The following SHLD1 variants were observed in gnomAD, a reference collection of about 807,000 sequenced individuals.
The protein encoded by SHLD1 is shieldin complex subunit 1, also known as RINN1-REV7-interacting novel NHEJ regulator 3.
Under a neutral mutation model 5.5 loss-of-function variants are expected in SHLD1, and 3 were observed. That is an observed-to-expected ratio of 0.54 (90% CI 0.25 to 1.40). SHLD1 has a LOEUF of 1.40. SHLD1 is among the 40% of genes most tolerant of loss of function. SHLD1 has a pLI of 0.15. For synonymous variants in SHLD1, 92 were observed against 94.3 expected (o/e 0.98, Z 0.14); for missense variants, 210 against 244.4 (o/e 0.86, Z 0.94).
chr20:5,779,448 G>A (rs1985588380), intron 2 of SHLD1, among the ~76,000 whole-genome samples: 2 of 152,044 alleles, frequency 1.3e-5, no homozygotes, highest in African/African-American at 4.8e-5. Flanking sequence ...CTGTAGTTAC[G>A]GGTTCTCTCC....
intron 1 of SHLD1, among the ~76,000 whole-genome samples, chr20:5,753,335 T>C (rs1983873474): frequency 6.6e-6 from 1 of 152,128 alleles, no homozygotes; most frequent in Admixed American, 6.6e-5. Context: ...AGAGACAGGG[T>C]CTTGCCGTGT....
At position 5,844,799 on chromosome 20, in the gene SHLD1, A is replaced by ATATATATTTT. The variant is rs1460082835; in HGVS notation, c.179-18224_179-18223insATATATTTTT. ...TATATATATATATATATATATATAT[A>ATATATATTTT]TTTTTTTTTTTTTGAGACACAGTCT... On this transcript the variant is annotated intron_variant, in intron 2 of 2. Transcript: ENST00000303142. Among the ~76,000 whole-genome samples, 12 of 71,716 alleles carry ATATATATTTT rather than the reference A, an allele frequency of 1.7e-4. No individual in the cohort carries two copies. The South Asian group carries it at 2.5e-3, about 15-fold the overall frequency. 47.0% of individuals were successfully genotyped at this position (71,716 alleles called of 152,430 possible). A position where few individuals can be genotyped will look rare whatever the true frequency, so the allele number is the denominator to read the frequency against.
chr20:5,764,164 ATATATATATATTTT>A (rs1984671964), intron 1 of SHLD1, among the ~76,000 whole-genome samples: 2 of 95,076 alleles, frequency 2.1e-5, no homozygotes, highest in Non-Finnish European at 4.0e-5. Context: ...ATATTTATAT[ATATATATATATTTT>A]TATATATATA....
At chr20:5,770,852 A>C (rs1243585311) in intron 1 of SHLD1, among the ~76,000 whole-genome samples, 1 of 152,214 alleles carries the variant, frequency 6.6e-6, no homozygotes, top group African/African-American at 2.4e-5. Flanking sequence ...GTAAAAATAC[A>C]ACCTCAGCAT....
chr20:5,750,928 T>C (rs529174141), intron 1 of SHLD1, among the ~76,000 whole-genome samples: 2 of 152,192 alleles, frequency 1.3e-5, no homozygotes, highest in Admixed American at 1.3e-4. Flanking sequence ...GCCCCGGAGT[T>C]CCAGGCTGCA....
At position 5,847,090 on chromosome 20, in the gene SHLD1, GT is replaced by G. The variant is rs200818623; in HGVS notation, c.179-15924del. Among the ~76,000 whole-genome samples the G allele has an allele frequency of 1.4e-3, 209 of 149,502 alleles. 2 individuals carry two copies. Among genetic ancestry groups the G allele is most frequent in the Middle Eastern group, 6.9e-3 (2 of 288 alleles). On this transcript the variant is annotated intron_variant, in intron 2 of 2. Coordinates refer to ENST00000303142, the MANE Select transcript of SHLD1 (RefSeq NM_152504.4). The stretch of plus-strand genomic sequence containing the variant: ...ATAGCCATATGAAGATCATATTAGG[GT>G]TTTTTTTTTCTTTGTTGTTAATTAT...
chr20:5,834,593 C>G (rs145193708), intron 2 of SHLD1, among the ~76,000 whole-genome samples: 1 of 152,288 alleles, frequency 6.6e-6, no homozygotes, highest in African/African-American at 2.4e-5. Context: ...CTTAGTAGCA[C>G]TTTGCCTGGA....
intron 2 of SHLD1, among the ~76,000 whole-genome samples, chr20:5,823,693 C>A (rs2087634177): frequency 6.6e-6 from 1 of 152,100 alleles, no homozygotes; most frequent in Non-Finnish European, 1.5e-5. Context: ...AGTGATCTGC[C>A]CACCTCAGCC....
chr20:5,844,509 C>A (rs982908747), intron 2 of SHLD1, among the ~76,000 whole-genome samples: 2 of 152,042 alleles, frequency 1.3e-5, no homozygotes, highest in South Asian at 4.1e-4. Flanking sequence ...TTTGACACTC[C>A]CACACACTGA....
chr20:5,823,817 G>T (rs2087635465), intron 2 of SHLD1, among the ~76,000 whole-genome samples: 1 of 152,152 alleles, frequency 6.6e-6, no homozygotes, highest in Non-Finnish European at 1.5e-5. Context: ...ATCCTGGGTT[G>T]CATGGGCAAG....
chr20:5,845,173 C>T (rs573902156), intron 2 of SHLD1, among the ~76,000 whole-genome samples: 1 of 152,318 alleles, frequency 6.6e-6, no homozygotes, highest in Admixed American at 6.5e-5. Context: ...CCTTAATACT[C>T]TAACAACTCT....
At chr20:5,801,971 A>T in intron 2 of SHLD1, among the ~76,000 whole-genome samples, 1 of 152,180 alleles carries the variant, frequency 6.6e-6, no homozygotes, top group East Asian at 1.9e-4. Context: ...CTCAGTGGGT[A>T]CTCATTGAAT....
chr20:5,860,202 C>T lies in SHLD1; in HGVS notation c.179-2822C>T, dbSNP rs554998012. Among the ~76,000 whole-genome samples, 6 of 152,266 alleles carry T rather than the reference C, an allele frequency of 3.9e-5. No individual in the cohort carries two copies. The South Asian group carries it at 1.0e-3, about 26-fold the overall frequency. Reference sequence around the variant, plus strand: ...CTGCCATCACGGGACCCCATTCCCTCTCCTTCTCCCTTCAGCTTTCTAACA... The same window carrying T: ...CTGCCATCACGGGACCCCATTCCCTTTCCTTCTCCCTTCAGCTTTCTAACA... On this transcript the variant is annotated intron_variant, in intron 2 of 2. Transcript: ENST00000303142.
In SHLD1 at chr20:5,778,243, A is replaced by G. The variant is rs567552779; in HGVS notation, c.178+5200A>G. Among the ~76,000 whole-genome samples, 382 of 148,524 alleles carry G rather than the reference A, an allele frequency of 2.6e-3. 2 individuals carry two copies. The highest frequency in any genetic ancestry group is 9.0e-3 in the African/African-American group (366 of 40,518). ...GCCATTCTCCTGCGTCAGCCTCCCA[A>G]GTAGCTAGGACTACAGGTGCCCACC... On this transcript the variant is annotated intron_variant, in intron 2 of 2. Coordinates refer to ENST00000303142, the MANE Select transcript of SHLD1 (RefSeq NM_152504.4).
At chr20:5,835,551 C>T (rs971667103) in intron 2 of SHLD1, among the ~76,000 whole-genome samples, 3 of 152,208 alleles carry the variant, frequency 2.0e-5, no homozygotes, top group South Asian at 4.1e-4. Context: ...ATGGGCACAG[C>T]GTCCCCAGGG....
At chr20:5,849,441 G>A (rs978375058) in intron 2 of SHLD1, among the ~76,000 whole-genome samples, 4 of 152,208 alleles carry the variant, frequency 2.6e-5, no homozygotes, top group African/African-American at 9.6e-5. Flanking sequence ...AAAAACAAAA[G>A]TCTGTAGACA....
intron 2 of SHLD1, among the ~76,000 whole-genome samples, chr20:5,808,023 T>C (rs1195303149): frequency 6.6e-6 from 1 of 152,184 alleles, no homozygotes; most frequent in African/African-American, 2.4e-5. Flanking sequence ...GGCTCATGCC[T>C]GTAATCCCAG....
intron 2 of SHLD1, among the ~76,000 whole-genome samples, chr20:5,819,343 T>G (rs997434422): frequency 3.6e-4 from 55 of 152,294 alleles, no homozygotes; most frequent in African/African-American, 1.3e-3. Context: ...CAGATTGATC[T>G]GGTGTGACCA....
rs1406275675 is a variant in SHLD1, at chr20:5,855,969, C to T, written c.179-7055C>T. Among the ~76,000 whole-genome samples, 4 of 152,196 alleles carry T rather than the reference C, an allele frequency of 2.6e-5. No individual in the cohort carries two copies. The East Asian group carries it at 7.7e-4, about 29-fold the overall frequency. Reference sequence around the variant, plus strand: ...CATACTCTTTTTCCTCTGCTATAGTCACTAGGCAATGTTGAGATAGTAGCT... The same window carrying T: ...CATACTCTTTTTCCTCTGCTATAGTTACTAGGCAATGTTGAGATAGTAGCT... On this transcript the variant is annotated intron_variant, in intron 2 of 2. Coordinates refer to ENST00000303142, the MANE Select transcript of SHLD1 (RefSeq NM_152504.4). The surrounding 1 kb of genome is among the most constrained non-coding windows in gnomAD (Gnocchi z 4.4).
Sources: allele counts gnomAD v4.1 joint callset (sites outside exome capture counted in the v4.1 genomes callset), GRCh38; gene constraint gnomAD v4.1.1; non-coding constraint Gnocchi (gnomAD v3.1); transcripts MANE v1.5; gene names NCBI Gene and HGNC (gene_info 2026-07-23, HGNC 2026-07-21).